ADRA1B: variants seen among roughly 807,000 people sequenced by gnomAD.
The protein encoded by ADRA1B is alpha-1B adrenergic receptor.
Under a neutral mutation model 17.9 loss-of-function variants are expected in ADRA1B, and 17 were observed. The ratio of observed to expected loss-of-function variants is 0.95; its 90% CI spans 0.65 to 1.42. The LOEUF (loss-of-function observed/expected upper bound fraction) is 1.42. Ranked by LOEUF, ADRA1B falls within the 40% of genes most tolerant of loss-of-function variation. The pLI is 0.00. For missense variants in ADRA1B, 681 were observed against 722.1 expected (o/e 0.94, Z 0.65); for synonymous variants, 366 against 327.6 (o/e 1.12, Z -1.27).
At chr5:159,908,430 C>T (rs1754189997) in intron 1 of ADRA1B, among the ~76,000 whole-genome samples, 4 of 152,018 alleles carry the variant, frequency 2.6e-5, no homozygotes, top group Admixed American at 1.3e-4. Flanking sequence ...AGGGAGGATC[C>T]CTTATGAATG....
At chr5:159,949,846 C>T (rs902586880) in intron 1 of ADRA1B, among the ~76,000 whole-genome samples, 6 of 152,210 alleles carry the variant, frequency 3.9e-5, no homozygotes, top group African/African-American at 1.4e-4. Context: ...GCCAAATGCA[C>T]TTCTTCACAC....
chr5:159,896,081 C>T (rs1413461311), intron 1 of ADRA1B, among the ~76,000 whole-genome samples: 2 of 152,224 alleles, frequency 1.3e-5, no homozygotes, highest in Admixed American at 6.5e-5. Context: ...ACCCAGAAAT[C>T]TGGTATCCCC....
At chr5:159,947,817 G>C in intron 1 of ADRA1B, 1 of 985,392 alleles carries the variant, frequency 1.0e-6, no homozygotes, top group Non-Finnish European at 1.2e-6. Flanking sequence ...GAGCTACATT[G>C]CATCACCATA....
chr5:159,874,736 G>A (rs544004268), intron 1 of ADRA1B, among the ~76,000 whole-genome samples: 4 of 152,308 alleles, frequency 2.6e-5, no homozygotes, highest in East Asian at 1.9e-4. Context: ...GGGACAAGGA[G>A]CCTGGACTTG....
At chr5:159,983,502 G>C in the ADRA1B span, among the ~76,000 whole-genome samples, 48 of 152,274 alleles carry the variant, frequency 3.2e-4, no homozygotes, top group African/African-American at 1.1e-3. Flanking sequence ...CGCTCACCGC[G>C]TGCCATTGGG....
rs539624929 is a variant in ADRA1B at position 159,972,537 on chromosome 5, G to C, written c.*45G>C. On this transcript the variant is annotated 3_prime_UTR_variant, in exon 2 of 2. Coordinates refer to ENST00000306675, the MANE Select transcript of ADRA1B (RefSeq NM_000679.4). Reference sequence around the variant, plus strand: ...CTTTCCCTGGGGAGGAAAACATCGTGGGGGGGAGGGGAGGGCGGGGCGGAG... The same window carrying C: ...CTTTCCCTGGGGAGGAAAACATCGTCGGGGGGAGGGGAGGGCGGGGCGGAG... The C allele has an allele frequency of 1.6e-5, 17 of 1,078,004 alleles. No homozygotes were observed. In the East Asian group the frequency reaches 2.9e-4, roughly 18 times the overall value. The allele number at this position is 1,078,004 out of a possible 1,614,324, so 66.8% of individuals were successfully genotyped here. A position where few individuals can be genotyped will look rare whatever the true frequency, so the allele number is the denominator to read the frequency against.
At chr5:159,987,710 T>A in the ADRA1B span, among the ~76,000 whole-genome samples, 1 of 152,260 alleles carries the variant, frequency 6.6e-6, no homozygotes, top group African/African-American at 2.4e-5. Context: ...GTCCGTGCGC[T>A]GGCTTCAGGG....
intron 1 of ADRA1B, among the ~76,000 whole-genome samples, chr5:159,865,484 C>T (rs145913442): frequency 2.0e-5 from 3 of 152,314 alleles, no homozygotes; most frequent in Admixed American, 6.5e-5. Context: ...CAACGCTGAT[C>T]ACTAATTCTC....
At chr5:159,906,821 C>T (rs1488292891) in intron 1 of ADRA1B, among the ~76,000 whole-genome samples, 6 of 152,164 alleles carry the variant, frequency 3.9e-5, no homozygotes, top group South Asian at 2.1e-4. Context: ...AGAAGTTCCC[C>T]GGCTTGACTT....
chr5:159,911,346 G>A (rs1754225857), intron 1 of ADRA1B, among the ~76,000 whole-genome samples: 1 of 152,242 alleles, frequency 6.6e-6, no homozygotes, highest in Non-Finnish European at 1.5e-5. Context: ...GCATAAGAGA[G>A]AATGGATCTG....
intron 1 of ADRA1B, among the ~76,000 whole-genome samples, chr5:159,957,114 C>T (rs964515484): frequency 6.6e-6 from 1 of 152,128 alleles, no homozygotes; most frequent in African/African-American, 2.4e-5. Flanking sequence ...TCAAGTGATC[C>T]GCCCGCTTTG....
chr5:159,961,083 T>G (rs1352965295), intron 1 of ADRA1B, among the ~76,000 whole-genome samples: 6 of 152,344 alleles, frequency 3.9e-5, no homozygotes, highest in African/African-American at 1.2e-4. Context: ...GCATTCCCAG[T>G]TAAGGGAGAA....
At position 159,972,447 on chromosome 5, in the gene ADRA1B, G is replaced by C; in HGVS notation, c.1518G>C (p.Gln506His). The change falls in exon 2 of 2, where the codon CAG becomes CAC. Residue 506 changes from glutamine to histidine, a missense_variant. Physicochemically the swap from Gln to His is conservative, Grantham distance 24. Around this residue, in one of 3 missense-constraint regions of ADRA1B, gnomAD observed 251 missense variants for 224.9 expected, o/e 1.12. Coordinates refer to ENST00000306675, the MANE Select transcript of ADRA1B (RefSeq NM_000679.4). The stretch of plus-strand genomic sequence containing the variant: ...CCGCGGCCGACGTGGCCAACGGGCA[G>C]CCGGGCTTCAAAAGCAACATGCCCC... Reference protein sequence around the residue: ...CEAAADVANGQPGFKSNMPLA... With the variant: ...CEAAADVANGHPGFKSNMPLA... The C allele has an allele frequency of 6.7e-7, 1 of 1,492,698 alleles. No individual in the cohort carries two copies. The highest frequency in any genetic ancestry group is 8.9e-7 in the Non-Finnish European group (1 of 1,125,766). 92.5% of individuals were successfully genotyped at this position (1,492,698 alleles called of 1,614,324 possible).
chr5:159,959,943 G>A (rs189557986), intron 1 of ADRA1B, among the ~76,000 whole-genome samples: 3 of 152,228 alleles, frequency 2.0e-5, no homozygotes, highest in Non-Finnish European at 2.9e-5. Flanking sequence ...TTAGCGTTTC[G>A]ATCATAACTC....
intron 1 of ADRA1B, 83 bp from the exon 2 acceptor site, chr5:159,971,796 G>A: frequency 1.6e-6 from 2 of 1,290,008 alleles, no homozygotes; most frequent in Non-Finnish European, 2.0e-6. Flanking sequence ...TGACAATGTT[G>A]AGGAGAAGCA....
intron 1 of ADRA1B, among the ~76,000 whole-genome samples, chr5:159,949,260 A>C (rs987506869): frequency 2.6e-5 from 4 of 152,200 alleles, no homozygotes; most frequent in Non-Finnish European, 5.9e-5. Flanking sequence ...TGTATTGTTC[A>C]TTAGGGAAAA....
intron 1 of ADRA1B, among the ~76,000 whole-genome samples, chr5:159,926,240 C>T (rs754440496): frequency 6.6e-6 from 1 of 152,284 alleles, no homozygotes; most frequent in Non-Finnish European, 1.5e-5. Flanking sequence ...AGTTCCTGCT[C>T]GTCTGTAAAC....
At chr5:159,977,260 G>A (rs544412944), downstream of ADRA1B, among the ~76,000 whole-genome samples, 65 of 152,274 alleles carry the variant, frequency 4.3e-4, no homozygotes, top group African/African-American at 1.5e-3. Context: ...GAAGAAGCCA[G>A]AGAGAACATA....
intron 1 of ADRA1B, chr5:159,951,203 G>A (rs1755430042): frequency 4.8e-5 from 38 of 785,218 alleles, no homozygotes; most frequent in South Asian, 4.1e-4. Flanking sequence ...GAAAGACGCT[G>A]GTGGACTTCA....
Sources: gnomAD v4.1 joint callset for allele counts (sites outside exome capture counted in the v4.1 genomes callset) on GRCh38, gnomAD v4.1.1 for gene constraint, gnomAD v4.1.1 regional missense constraint, MANE v1.5 for transcripts, NCBI Gene and HGNC (gene_info 2026-07-23, HGNC 2026-07-21) for gene names.